Variants in ZDHHC3 observed in about 807,000 individuals in gnomAD.
ZDHHC3 encodes the protein palmitoyltransferase ZDHHC3.
Under a neutral mutation model 30.6 loss-of-function variants are expected in ZDHHC3, and 9 were observed. The observed-to-expected ratio is 0.29, with a 90% CI of 0.18 to 0.51. The LOEUF is 0.51. Among genes scored for constraint, ZDHHC3 ranks in the 20% least tolerant of loss-of-function variants. ZDHHC3 has a pLI of 0.97. For missense variants in ZDHHC3, 246 were observed against 384.2 expected, an observed-to-expected ratio of 0.64 and a Z score of 3.01; for synonymous variants, 136 against 140.2, an observed-to-expected ratio of 0.97 and a Z score of 0.21.
At position 44,943,268 on chromosome 3, in the gene ZDHHC3, G is replaced by C. The variant is rs1047680248; in HGVS notation, c.431+1900C>G. 2.6e-5 allele frequency among the ~76,000 whole-genome samples: 4 copies of C among 152,218 alleles called. No individual in the cohort carries two copies. The South Asian group carries it at 8.3e-4, about 32-fold the overall frequency. On this transcript the variant is annotated intron_variant, in intron 3 of 6. Coordinates refer to ENST00000424952, the MANE Select transcript of ZDHHC3 (RefSeq NM_001135179.2). ...CTGGACCTGGAGCCAGAACTGCCGG[G>C]ACCCAAACCTGTCTCTAGTACTCAC...
intron 3 of ZDHHC3, among the ~76,000 whole-genome samples, chr3:44,934,733 A>G (rs1701800755): frequency 6.6e-6 from 1 of 152,020 alleles, no homozygotes; most frequent in South Asian, 2.1e-4. Flanking sequence ...CTCTACTAAA[A>G]ATACAAGAAT....
chr3:44,946,914 G>A (rs1222217526), intron 2 of ZDHHC3, among the ~76,000 whole-genome samples: 1 of 152,210 alleles, frequency 6.6e-6, no homozygotes, highest in Non-Finnish European at 1.5e-5. Flanking sequence ...GGTAACACTG[G>A]TGCTTCAGGA....
chr3:44,919,049 A>G lies in ZDHHC3; in HGVS notation c.*7640T>C. ...CAAGAAAGATCTCTGTGTATCTAGC[A>G]CTTTTTCTTCCCACGCCATTTCAGA... On this transcript the variant is annotated 3_prime_UTR_variant, in exon 7 of 7. Coordinates refer to ENST00000424952, the MANE Select transcript of ZDHHC3 (RefSeq NM_001135179.2). The G allele has an allele frequency of 1.0e-6, 1 of 985,416 alleles. No homozygotes were observed. The highest frequency in any genetic ancestry group is 1.2e-6 in the Non-Finnish European group (1 of 829,914). 61.0% of individuals were successfully genotyped at this position (985,416 alleles called of 1,614,324 possible).
chr3:44,923,387 G>A lies in ZDHHC3; in HGVS notation c.*3302C>T, dbSNP rs1451239379. Reference sequence around the variant, plus strand: ...GATGTCCACAGTGAGAAGTGTCCGCGCCCGGCTTAAAATGTTTGTTAATTT... The same window carrying A: ...GATGTCCACAGTGAGAAGTGTCCGCACCCGGCTTAAAATGTTTGTTAATTT... On this transcript the variant is annotated 3_prime_UTR_variant, in exon 7 of 7. Coordinates refer to ENST00000424952, the MANE Select transcript of ZDHHC3 (RefSeq NM_001135179.2). 2.9e-5 allele frequency: 29 copies of A among 985,214 alleles called. No individual in the cohort carries two copies. Among genetic ancestry groups the A allele is most frequent in the South Asian group, 9.4e-5 (2 of 21,282 alleles). The allele number at this position is 985,214 out of a possible 1,614,324, so 61.0% of individuals were successfully genotyped here.
Position 44,921,409 on chromosome 3 carries a change from C to G in ZDHHC3, c.*5280G>C, listed in dbSNP as rs2125784071. On this transcript the variant is annotated 3_prime_UTR_variant, in exon 7 of 7. Transcript: ENST00000424952. Reference sequence around the variant, plus strand: ...TCTCCTCATCAGAGATTTCATACCTCTATATTGTAACCCACAAGAGGAAAC... The same window carrying G: ...TCTCCTCATCAGAGATTTCATACCTGTATATTGTAACCCACAAGAGGAAAC... 1.0e-6 allele frequency: 1 copy of G among 985,446 alleles called. No homozygotes were observed. The highest frequency in any genetic ancestry group is 6.1e-5 in the Admixed American group (1 of 16,286). The allele number at this position is 985,446 out of a possible 1,614,324, so 61.0% of individuals were successfully genotyped here.
In ZDHHC3 at chr3:44,929,451, G is replaced by A; in HGVS notation, c.611-15C>T. ...GGAGCTGCACTCTGAAAGAGAAGCA[G>A]CACACAGGGATTGGTACTGTCACCC... On this transcript the variant is annotated splice_polypyrimidine_tract_variant and intron_variant, in intron 5 of 6. Transcript: ENST00000424952. 1 of 1,613,510 alleles carries A rather than the reference G, an allele frequency of 6.2e-7. No homozygotes were observed. The highest frequency in any genetic ancestry group is 8.5e-7 in the Non-Finnish European group (1 of 1,179,696).
intron 1 of ZDHHC3, among the ~76,000 whole-genome samples, chr3:44,968,455 G>A (rs149096576): frequency 3.2e-3 from 492 of 152,290 alleles, no homozygotes; most frequent in African/African-American, 0.011. Context: ...GACACTTTGG[G>A]AGACCCACGC....
At chr3:44,953,126 G>C (rs928351993) in intron 2 of ZDHHC3, among the ~76,000 whole-genome samples, 1 of 152,194 alleles carries the variant, frequency 6.6e-6, no homozygotes, top group Non-Finnish European at 1.5e-5. Context: ...AGAGATTGTG[G>C]TATTCCCCAT....
chr3:44,955,457 T>TTA (rs150337679), intron 2 of ZDHHC3, among the ~76,000 whole-genome samples: 59,410 of 143,698 alleles, frequency 0.41, 12,960 homozygotes, highest in East Asian at 0.85. Context: ...CACAAGGTTT[T>TTA]TATATATATA....
chr3:44,933,234 T>C (rs1446507682), intron 4 of ZDHHC3, 35 bp from the exon 5 acceptor site: 3 of 1,603,090 alleles, frequency 1.9e-6, no homozygotes, highest in Non-Finnish European at 2.6e-6. Context: ...ACCATTGTTG[T>C]GAGAATCCTC....
At position 44,923,965 on chromosome 3, in the gene ZDHHC3, T is replaced by G; in HGVS notation, c.*2724A>C. ...TTTGCTTGGATCTAAGCCTTTTGCA[T>G]ATTCAGTCTAGTTGCTATGAACACA... On this transcript the variant is annotated 3_prime_UTR_variant, in exon 7 of 7. Coordinates refer to ENST00000424952, the MANE Select transcript of ZDHHC3 (RefSeq NM_001135179.2). The G allele has an allele frequency of 2.0e-6, 2 of 985,476 alleles. No homozygotes were observed. The highest frequency in any genetic ancestry group is 2.4e-6 in the Non-Finnish European group (2 of 829,942). 61.0% of individuals were successfully genotyped at this position (985,476 alleles called of 1,614,324 possible). A position where few individuals can be genotyped will look rare whatever the true frequency, so the allele number is the denominator to read the frequency against.
At chr3:44,955,491 T>C (rs1025770354) in intron 2 of ZDHHC3, among the ~76,000 whole-genome samples, 1 of 145,424 alleles carries the variant, frequency 6.9e-6, no homozygotes, top group African/African-American at 2.6e-5. Flanking sequence ...ATATATATAT[T>C]TTAAACTAGT....
intron 3 of ZDHHC3, among the ~76,000 whole-genome samples, 198 bp from the exon 4 acceptor site, chr3:44,934,182 G>A (rs571329255): frequency 2.7e-4 from 41 of 152,264 alleles, no homozygotes; most frequent in Admixed American, 1.2e-3. Flanking sequence ...CATTCCAAAC[G>A]GGTACAGAGT....
In ZDHHC3 at chr3:44,945,245, T is replaced by C. The variant is rs748819556; in HGVS notation, c.354A>G (p.Leu118=). ...ACACCACCTGCCCAGGCTTCAACTG[T>C]AAACTCTCGATGAATTCTTTAGTGG... is the stretch of plus-strand genomic sequence containing the variant. The part of the protein sequence containing the change: ...GNATKEFIES[L]QLKPGQVVYK... The change falls in exon 3 of 7, where the codon TTA becomes TTG. Residue 118 remains leucine, a synonymous_variant. Coordinates refer to ENST00000424952, the MANE Select transcript of ZDHHC3 (RefSeq NM_001135179.2). The C allele has an allele frequency of 6.2e-7, 1 of 1,614,248 alleles. No individual in the cohort carries two copies. Among genetic ancestry groups the C allele is most frequent in the South Asian group, 1.1e-5 (1 of 91,088 alleles).
Position 44,924,865 on chromosome 3 carries a change from C to T in ZDHHC3, c.*1824G>A, listed in dbSNP as rs1020497074. On this transcript the variant is annotated 3_prime_UTR_variant, in exon 7 of 7. Transcript: ENST00000424952. ...CTTTTTAATCTTAGCATCTCAGCCT[C>T]GCCCGTATCGCATGAATAGCACCGT... The T allele has an allele frequency of 4.2e-5, 41 of 985,558 alleles. 1 individual carries two copies. In the South Asian group the frequency reaches 1.7e-3, roughly 41 times the overall value. The allele number at this position is 985,558 out of a possible 1,614,324, so 61.1% of individuals were successfully genotyped here.
chr3:44,953,125 G>A (rs1277306453), intron 2 of ZDHHC3, among the ~76,000 whole-genome samples: 1 of 152,152 alleles, frequency 6.6e-6, no homozygotes, highest in East Asian at 1.9e-4. Flanking sequence ...TAGAGATTGT[G>A]GTATTCCCCA....
At chr3:44,941,694 T>C (rs1313080620) in intron 3 of ZDHHC3, among the ~76,000 whole-genome samples, 1 of 149,734 alleles carries the variant, frequency 6.7e-6, no homozygotes, top group East Asian at 2.0e-4. Context: ...TGGGCCACAC[T>C]GGTAGAAGAA....
Position 44,918,767 on chromosome 3 carries a change from C to T in ZDHHC3, c.*7922G>A. The T allele has an allele frequency of 1.0e-6, 1 of 987,244 alleles. No homozygotes were observed. Among genetic ancestry groups the T allele is most frequent in the Non-Finnish European group, 1.2e-6 (1 of 831,110 alleles). 61.2% of individuals were successfully genotyped at this position (987,244 alleles called of 1,614,324 possible). On this transcript the variant is annotated 3_prime_UTR_variant, in exon 7 of 7. Transcript: ENST00000424952. The stretch of plus-strand genomic sequence containing the variant: ...CTGCTCATGCAGCAGATCCACCCTG[C>T]AGCCTCTTCCAAGCTGTCAACTCAC...
At chr3:44,969,380 C>G (rs963290199) in intron 1 of ZDHHC3, among the ~76,000 whole-genome samples, 4 of 152,116 alleles carry the variant, frequency 2.6e-5, no homozygotes, top group African/African-American at 9.7e-5. Context: ...CTCTATTTTG[C>G]ACATATAAAT....
Sources: allele counts gnomAD v4.1 joint callset (sites outside exome capture counted in the v4.1 genomes callset), GRCh38; gene constraint gnomAD v4.1.1; transcripts MANE v1.5; gene names NCBI Gene and HGNC (gene_info 2026-07-23, HGNC 2026-07-21).